RPL28: variants seen among roughly 807,000 people sequenced by gnomAD.
The protein encoded by RPL28 is large ribosomal subunit protein eL28.
A neutral mutation model predicts 12.5 loss-of-function variants in RPL28; 4 were observed. The ratio of observed to expected loss-of-function variants is 0.32; its 90% CI spans 0.16 to 0.73. The LOEUF is 0.73. Ranked by LOEUF, RPL28 falls within the 30% of genes least tolerant of loss-of-function variation. The probability of loss-of-function intolerance (pLI) is 0.66; values close to 1 mark genes in which losing one functional copy is unlikely to be tolerated. For synonymous variants in RPL28, 91 were observed against 72.5 expected (o/e 1.26, Z -1.30); for missense variants, 214 against 197.7 (o/e 1.08, Z -0.49).
rs565685379 is a variant in RPL28 at position 55,391,454 on chromosome 19, AC to A, written c.*3125del. 2,150 of 1,356,106 alleles carry A rather than the reference AC, an allele frequency of 1.6e-3. 5 individuals carry two copies. The highest frequency in any genetic ancestry group is 1.9e-3 in the Non-Finnish European group (1,992 of 1,045,536). The allele number at this position is 1,356,106 out of a possible 1,614,324, so 84.0% of individuals were successfully genotyped here. A position where few individuals can be genotyped will look rare whatever the true frequency, so the allele number is the denominator to read the frequency against. ...TGCATGGTGAGTGAGCGTAGGGCGC[AC>A]CCTGGAAGGCTGCCAAGCCCAAAGT... On this transcript the variant is annotated 3_prime_UTR_variant, in exon 5 of 5. Coordinates refer to ENST00000344063, the MANE Select transcript of RPL28 (RefSeq NM_000991.5).
At chr19:55,401,958 A>C (rs1267219205) in intron 4 of RPL28, among the ~76,000 whole-genome samples, 1 of 152,176 alleles carries the variant, frequency 6.6e-6, no homozygotes, top group Non-Finnish European at 1.5e-5. Flanking sequence ...GACCTGCCTC[A>C]CAGCAGATGT....
chr19:55,400,277 C>G (rs1275878191), intron 4 of RPL28: 3 of 152,150 alleles, frequency 2.0e-5, no homozygotes, highest in African/African-American at 7.2e-5. Context: ...CTTTCACCTC[C>G]TAAAGTTGGG....
Position 55,388,315 on chromosome 19 carries a change from CCCA to C in RPL28, c.401_403del (p.Thr134del). 6.3e-7 allele frequency: 1 copy of C among 1,576,734 alleles called. No homozygotes were observed. The highest frequency in any genetic ancestry group is 8.6e-7 in the Non-Finnish European group (1 of 1,162,956). On this transcript the variant is annotated inframe_deletion, in exon 5 of 5. Transcript: ENST00000344063. ...GATGGTGAAGAGGAAGCGGACCCGC[CCCA>C]CCAAGAGCTCCTGAGCCCCCTGCCC...
Position 55,386,749 on chromosome 19 carries a change from G to A in RPL28, c.205+56G>A, listed in dbSNP as rs755731996. ...GGCCCCTTTCCCGGGTCTGGGAGCT[G>A]TGATTTTTTACTGTCAGGCAGGAAG... On this transcript the variant is annotated intron_variant, in intron 3 of 4. Coordinates refer to ENST00000344063, the MANE Select transcript of RPL28 (RefSeq NM_000991.5). The A allele has an allele frequency of 1.9e-6, 3 of 1,610,818 alleles. No homozygotes were observed. The Admixed American group carries it at 5.0e-5, about 27-fold the overall frequency.
At chr19:55,401,102 C>T (rs1371063328) in intron 4 of RPL28, 2 of 360,920 alleles carry the variant, frequency 5.5e-6, no homozygotes, top group Non-Finnish European at 1.0e-5. Flanking sequence ...TGTGACCGCT[C>T]TACCTCCACA....
Position 55,390,335 on chromosome 19 carries a change from G to A in RPL28, c.*2003G>A, listed in dbSNP as rs777955955. ...TTCTCCTGCCTCAGCCTCCCGAGTAGCTGGGATTACAGGTGGGTGTCACCA... is the reference window on the plus strand; with the variant it reads ...TTCTCCTGCCTCAGCCTCCCGAGTAACTGGGATTACAGGTGGGTGTCACCA... On this transcript the variant is annotated 3_prime_UTR_variant, in exon 5 of 5. Coordinates refer to ENST00000344063, the MANE Select transcript of RPL28 (RefSeq NM_000991.5). The A allele has an allele frequency of 1.1e-5, 8 of 712,312 alleles. No homozygotes were observed. The highest frequency in any genetic ancestry group is 1.4e-5 in the Non-Finnish European group (8 of 581,244). 44.1% of individuals were successfully genotyped at this position (712,312 alleles called of 1,614,324 possible).
downstream of RPL28, chr19:55,392,168 C>T (rs780285921): frequency 1.0e-5 from 10 of 968,398 alleles, no homozygotes; most frequent in Non-Finnish European, 1.2e-5. Context: ...CTCAGAATCC[C>T]AGCCCCTAAG....
intron 3 of RPL28, chr19:55,387,244 G>T (rs901613266): frequency 9.1e-6 from 14 of 1,537,122 alleles, no homozygotes; most frequent in African/African-American, 1.4e-5. Context: ...GAGGAGTCCA[G>T]CTTCACATGT....
chr19:55,387,959 C>G lies in RPL28; in HGVS notation c.235C>G (p.Arg79Gly). The change falls in exon 4 of 5, where the codon CGG (arginine) becomes GGG (glycine). Residue 79 changes from arginine to glycine, a missense_variant. Coordinates refer to ENST00000344063, the MANE Select transcript of RPL28 (RefSeq NM_000991.5). Reference sequence around the variant, plus strand: ...GCGGAAGCCTGCCACCTCCTATGTGCGGACCACCATCAACAAGAATGCTCG... The same window carrying G: ...GCGGAAGCCTGCCACCTCCTATGTGGGGACCACCATCAACAAGAATGCTCG... ...GQRKPATSYV[R>G]TTINKNARAT... is the part of the protein sequence containing the mutation. 6.3e-7 allele frequency: 1 copy of G among 1,598,716 alleles called. No individual in the cohort carries two copies. The highest frequency in any genetic ancestry group is 1.1e-5 in the South Asian group (1 of 88,402).
chr19:55,391,371 T>C lies in RPL28; in HGVS notation c.*3039T>C. 1 of 1,229,324 alleles carries C rather than the reference T, an allele frequency of 8.1e-7. No homozygotes were observed. Among genetic ancestry groups the C allele is most frequent in the Admixed American group, 3.9e-5 (1 of 25,326 alleles). The allele number at this position is 1,229,324 out of a possible 1,614,324, so 76.2% of individuals were successfully genotyped here. A position where few individuals can be genotyped will look rare whatever the true frequency, so the allele number is the denominator to read the frequency against. ...CCATTTTGAGTGCCTTTCACAGCCC[T>C]GCATAAGGCAGGTGTCTCAGTGTTC... On this transcript the variant is annotated 3_prime_UTR_variant, in exon 5 of 5. Transcript: ENST00000344063.
rs1391030388 is a variant in RPL28, at chr19:55,390,085, G to A, written c.*1753G>A. 1 of 985,530 alleles carries A rather than the reference G, an allele frequency of 1.0e-6. No individual in the cohort carries two copies. Among genetic ancestry groups the A allele is most frequent in the Middle Eastern group, 5.2e-4 (1 of 1,916 alleles). 61.0% of individuals were successfully genotyped at this position (985,530 alleles called of 1,614,324 possible). ...AGCCCACAAGCTGGCAGGTTTATCTGTCTCATGTTTGTCTTGTGCTGGTGG... is the reference window on the plus strand; with the variant it reads ...AGCCCACAAGCTGGCAGGTTTATCTATCTCATGTTTGTCTTGTGCTGGTGG... On this transcript the variant is annotated 3_prime_UTR_variant, in exon 5 of 5. Transcript: ENST00000344063.
chr19:55,388,764 C>T lies in RPL28; in HGVS notation c.*432C>T, dbSNP rs10416908. The T allele has an allele frequency of 7.1e-3, 7,111 of 1,004,308 alleles. 418 individuals are homozygous for T. The African/African-American group carries it at 0.11, about 16-fold the overall frequency. The allele number at this position is 1,004,308 out of a possible 1,614,324, so 62.2% of individuals were successfully genotyped here. On this transcript the variant is annotated 3_prime_UTR_variant, in exon 5 of 5. Transcript: ENST00000344063. ...TGGGGTGTTCCCAAGACCTGGGGGA[C>T]GACAGACATCACGGGAGGAAGATGA...
At chr19:55,400,192 G>C (rs1038165202) in intron 4 of RPL28, 2 of 152,164 alleles carry the variant, frequency 1.3e-5, no homozygotes, top group Non-Finnish European at 2.9e-5. Flanking sequence ...TATTGTAAAT[G>C]TATTTTACTT....
In RPL28 at chr19:55,391,974, T is replaced by C. The variant is rs1156663972; in HGVS notation, c.*3642T>C. ...TCCTGCCCGTGTTTGTGAATATCAT[T>C]CTGTCCTCAGCTGCATTTCCAGCCC... On this transcript the variant is annotated 3_prime_UTR_variant, in exon 5 of 5. Coordinates refer to ENST00000344063, the MANE Select transcript of RPL28 (RefSeq NM_000991.5). The C allele has an allele frequency of 8.4e-7, 1 of 1,195,046 alleles. No homozygotes were observed. Among genetic ancestry groups the C allele is most frequent in the East Asian group, 3.9e-5 (1 of 25,786 alleles). The allele number at this position is 1,195,046 out of a possible 1,614,324, so 74.0% of individuals were successfully genotyped here.
rs1298154962 is a variant in RPL28 at position 55,390,300 on chromosome 19, G to A, written c.*1968G>A. On this transcript the variant is annotated 3_prime_UTR_variant, in exon 5 of 5. Transcript: ENST00000344063. ...GCTCACTGCAGCCTCCACCTCCTGGGTTCAAGCGATTCTCCTGCCTCAGCC... is the reference window on the plus strand; with the variant it reads ...GCTCACTGCAGCCTCCACCTCCTGGATTCAAGCGATTCTCCTGCCTCAGCC... 3 of 792,396 alleles carry A rather than the reference G, an allele frequency of 3.8e-6. No homozygotes were observed. The highest frequency in any genetic ancestry group is 4.6e-6 in the Non-Finnish European group (3 of 654,134). 49.1% of individuals were successfully genotyped at this position (792,396 alleles called of 1,614,324 possible).
downstream of RPL28, among the ~76,000 whole-genome samples, chr19:55,396,755 G>GT (rs1452231354): frequency 5.4e-5 from 8 of 148,226 alleles, no homozygotes; most frequent in East Asian, 4.0e-4. Context: ...TAATTTTTTT[G>GT]ATTTTTAGTA....
intron 4 of RPL28, among the ~76,000 whole-genome samples, chr19:55,398,904 G>T (rs577229174): frequency 1.6e-4 from 25 of 152,252 alleles, no homozygotes; most frequent in African/African-American, 5.5e-4. Flanking sequence ...GTTTCGCCAC[G>T]TTGGGCAGGC....
At chr19:55,396,220 A>G (rs2090021407), downstream of RPL28, among the ~76,000 whole-genome samples, 1 of 151,718 alleles carries the variant, frequency 6.6e-6, no homozygotes, top group Non-Finnish European at 1.5e-5. Context: ...GCAGTGAGCT[A>G]TGTTGGCACC....
downstream of RPL28, among the ~76,000 whole-genome samples, chr19:55,396,481 C>CG (rs1339803735): frequency 3.0e-4 from 4 of 13,166 alleles, 1 homozygote; most frequent in African/African-American, 1.0e-3. Context: ...AAGTTCTCCC[C>CG]CCTCCCCTCC....
Sources: allele counts gnomAD v4.1 joint callset (sites outside exome capture counted in the v4.1 genomes callset), GRCh38; gene constraint gnomAD v4.1.1; transcripts MANE v1.5; gene names NCBI Gene and HGNC (gene_info 2026-07-23, HGNC 2026-07-21).